The following PDXDC1 variants were observed in gnomAD, a reference collection of about 807,000 sequenced individuals.
The protein encoded by PDXDC1 is pyridoxal dependent decarboxylase domain containing 1, also known as pyridoxal-dependent decarboxylase domain-containing protein 1.
Under a neutral mutation model 100.1 loss-of-function variants are expected in PDXDC1, and 42 were observed. That is an observed-to-expected ratio of 0.42 (90% confidence interval 0.33 to 0.54). The LOEUF is 0.54. Among genes scored for constraint, PDXDC1 ranks in the 20% least tolerant of loss-of-function variants. The pLI is 0.10. For synonymous variants in PDXDC1, 260 were observed against 371.7 expected (o/e 0.70, Z 3.46); for missense variants, 636 against 979.2 (o/e 0.65, Z 4.68).
At chr16:15,128,171 G>A (rs780410033) in intron 16 of PDXDC1, 14 of 1,609,386 alleles carry the variant, frequency 8.7e-6, no homozygotes, top group Non-Finnish European at 1.2e-5. Flanking sequence ...GGCTCGCAGG[G>A]CGCCCCAACG....
chr16:15,008,876 A>G (rs140226685), intron 7 of PDXDC1, 29 bp downstream of exon 7: 2 of 1,604,118 alleles, frequency 1.2e-6, no homozygotes, highest in South Asian at 2.2e-5. Flanking sequence ...TTGTAAAATC[A>G]TGTGGGATTG....
At chr16:15,126,966 T>C in intron 16 of PDXDC1, 1 of 277,234 alleles carries the variant, frequency 3.6e-6, no homozygotes, top group Non-Finnish European at 7.0e-6. Context: ...TCCTTTTTAA[T>C]GTTTTATATA....
chr16:15,106,166 CAT>C, intron 16 of PDXDC1: 3 of 714,436 alleles, frequency 4.2e-6, no homozygotes, highest in Non-Finnish European at 6.5e-6. Context: ...AAAGCCAACA[CAT>C]GAGAAATTGA....
intron 16 of PDXDC1, chr16:15,047,367 C>G: frequency 1.0e-6 from 1 of 969,252 alleles, no homozygotes; most frequent in Non-Finnish European, 1.7e-6. Context: ...GTTCCCCTAA[C>G]AGCTTCCACA....
At chr16:15,034,955 C>T (rs905624904) in intron 21 of PDXDC1, among the ~76,000 whole-genome samples, 4 of 152,162 alleles carry the variant, frequency 2.6e-5, no homozygotes, top group Admixed American at 6.5e-5. Context: ...AGTGCTGGCA[C>T]GGTTTATTTT....
intron 3 of PDXDC1, among the ~76,000 whole-genome samples, chr16:14,998,629 A>G (rs1972510639): frequency 6.6e-6 from 1 of 152,260 alleles, no homozygotes; most frequent in African/African-American, 2.4e-5. Context: ...TTGTATTTTC[A>G]GTAGAGATGG....
chr16:15,083,196 C>G (rs143705519), intron 16 of PDXDC1, among the ~76,000 whole-genome samples: 30 of 152,194 alleles, frequency 2.0e-4, no homozygotes, highest in African/African-American at 6.5e-4. Context: ...GTCAGGCGTT[C>G]GATACCAGTG....
At chr16:15,041,522 A>AGTT, downstream of PDXDC1, 1 of 822,168 alleles carries the variant, frequency 1.2e-6, no homozygotes, top group Non-Finnish European at 2.2e-6. Flanking sequence ...GTGGCCAAGC[A>AGTT]GTGACAGCAG....
the PDXDC1 span, among the ~76,000 whole-genome samples, chr16:15,150,050 C>G: frequency 2.0e-5 from 3 of 151,948 alleles, no homozygotes; most frequent in African/African-American, 7.3e-5. Context: ...TCCTAGACAT[C>G]ATCGGACATT....
chr16:15,021,921 A>T (rs1372602084), intron 12 of PDXDC1, among the ~76,000 whole-genome samples: 1 of 152,296 alleles, frequency 6.6e-6, no homozygotes, highest in African/African-American at 2.4e-5. Context: ...TTCATGCATC[A>T]TCTCATTTGA....
downstream of PDXDC1, among the ~76,000 whole-genome samples, chr16:15,141,235 C>T (rs1252090615): frequency 1.4e-4 from 22 of 152,250 alleles, no homozygotes; most frequent in Non-Finnish European, 3.1e-4. Context: ...AGGAGAGACG[C>T]ACACACAGGC....
chr16:15,054,602 C>G (rs1402704775), intron 16 of PDXDC1, among the ~76,000 whole-genome samples: 3 of 152,204 alleles, frequency 2.0e-5, no homozygotes, highest in Non-Finnish European at 4.4e-5. Context: ...GATGGTCGGT[C>G]CTGAAATGCA....
downstream of PDXDC1, chr16:15,040,434 G>A (rs186043480): frequency 1.6e-3 from 345 of 215,460 alleles, 1 homozygote; most frequent in Non-Finnish European, 2.4e-3. Context: ...TCACAATTTA[G>A]TATTTTATAC....
At chr16:15,099,628 A>T (rs1211832087) in intron 16 of PDXDC1, among the ~76,000 whole-genome samples, 1 of 152,020 alleles carries the variant, frequency 6.6e-6, no homozygotes, top group Non-Finnish European at 1.5e-5. Context: ...GGGGAGGGAT[A>T]AAGAAAATTA....
In PDXDC1 at chr16:15,036,249, G is replaced by A. The variant is rs2151665253; in HGVS notation, c.2341G>A (p.Val781Ile). 1 of 1,614,022 alleles carries A rather than the reference G, an allele frequency of 6.2e-7. No individual in the cohort carries two copies. Among genetic ancestry groups the A allele is most frequent in the Non-Finnish European group, 8.5e-7 (1 of 1,179,896 alleles). Residue 781 changes from valine (V) to isoleucine (I), a missense_variant, in exon 23 of 23, where the codon GTA becomes ATA. By Grantham distance (29) the Val-to-Ile change is conservative. Coordinates refer to ENST00000396410, the MANE Select transcript of PDXDC1 (RefSeq NM_015027.4). ...ACACCCAGAAGATGACCACTCACAGGTAGAAGGACCGGAGAGCTTAAGATG... is the reference window on the plus strand; with the variant it reads ...ACACCCAGAAGATGACCACTCACAGATAGAAGGACCGGAGAGCTTAAGATG... ...VPHPEDDHSQ[V>I]EGPESLR
At chr16:15,085,064 T>A (rs946723101) in intron 16 of PDXDC1, among the ~76,000 whole-genome samples, 12 of 151,408 alleles carry the variant, frequency 7.9e-5, no homozygotes, top group African/African-American at 2.9e-4. Flanking sequence ...AGACTCTGTC[T>A]CAAAAAACAA....
downstream of PDXDC1, chr16:15,040,512 T>C (rs1335364846): frequency 5.7e-6 from 1 of 174,800 alleles, no homozygotes; most frequent in East Asian, 1.6e-4. Context: ...ATCAATCAAG[T>C]ATCACCGCTA....
At chr16:15,137,628 C>T (rs2048390151) in intron 16 of PDXDC1, 3 of 1,343,560 alleles carry the variant, frequency 2.2e-6, no homozygotes, top group Non-Finnish European at 3.1e-6. Flanking sequence ...TCACAGGCTC[C>T]CATGCTGTTC....
chr16:14,994,914 A>G (rs1971632907), intron 1 of PDXDC1, among the ~76,000 whole-genome samples: 1 of 152,282 alleles, frequency 6.6e-6, no homozygotes, highest in Admixed American at 6.5e-5. Flanking sequence ...TGTGAATGGG[A>G]GTTCACTCAT....
Sources: allele counts gnomAD v4.1 joint callset (sites outside exome capture counted in the v4.1 genomes callset), GRCh38; gene constraint gnomAD v4.1.1; transcripts MANE v1.5; gene names NCBI Gene and HGNC (gene_info 2026-07-23, HGNC 2026-07-21).